SLIT3: variants seen among roughly 807,000 people sequenced by gnomAD.
SLIT3 encodes slit guidance ligand 3.
Under a neutral mutation model 184.0 loss-of-function variants are expected in SLIT3, and 68 were observed. That is an observed-to-expected ratio of 0.37 (90% CI 0.30 to 0.45). The LOEUF is 0.45. SLIT3 is among the 20% of genes least tolerant of loss of function. The pLI is 1.00. For synonymous variants in SLIT3, 831 were observed against 828.6 expected (o/e 1.00, Z -0.05); for missense variants, 1,707 against 2,026.0 (o/e 0.84, Z 3.02).
In SLIT3 at chr5:169,018,630, A is replaced by G. The variant is rs952385616; in HGVS notation, c.414-135294T>C. ...AAGAGTCCTATCGTCTACCAGAAAA[A>G]GAAATCTTTGGGTAATTTTTTTCTC... is the stretch of plus-strand genomic sequence containing the variant. On this transcript the variant is annotated intron_variant, in intron 4 of 35. Transcript: ENST00000519560. 3.3e-5 allele frequency: 5 copies of G among 152,316 alleles called. 1 individual carries two copies. Among genetic ancestry groups the G allele is most frequent in the East Asian group, 1.9e-4 (1 of 5,182 alleles). The allele number at this position is 152,316 out of a possible 1,614,324, so 9.4% of individuals were successfully genotyped here.
At chr5:168,713,148 G>A (rs570214771) in intron 23 of SLIT3, among the ~76,000 whole-genome samples, 2 of 152,308 alleles carry the variant, frequency 1.3e-5, no homozygotes, top group South Asian at 4.1e-4. Context: ...TCATTGTTAT[G>A]GAAACGGCTT....
intron 4 of SLIT3, among the ~76,000 whole-genome samples, chr5:169,032,781 A>T (rs1757080213): frequency 6.6e-6 from 1 of 152,034 alleles, no homozygotes; most frequent in Non-Finnish European, 1.5e-5. Context: ...ACAAAAGCTT[A>T]TTCTACTCAT....
chr5:168,693,018 C>T (rs1761952982), intron 28 of SLIT3, among the ~76,000 whole-genome samples: 1 of 152,140 alleles, frequency 6.6e-6, no homozygotes, highest in Non-Finnish European at 1.5e-5. Flanking sequence ...GATGCCTGGC[C>T]CTCACTTTGG....
At chr5:168,747,839 T>C (rs897351208) in intron 20 of SLIT3, among the ~76,000 whole-genome samples, 1 of 152,004 alleles carries the variant, frequency 6.6e-6, no homozygotes, top group African/African-American at 2.4e-5. Context: ...ACAGGGCTGT[T>C]TGAACGTGGA....
intron 5 of SLIT3, among the ~76,000 whole-genome samples, chr5:168,856,542 C>T (rs912994048): frequency 1.3e-5 from 2 of 152,100 alleles, no homozygotes; most frequent in Non-Finnish European, 2.9e-5. Flanking sequence ...CCCAATCACT[C>T]AAGATTCAGG....
At chr5:169,091,211 A>G (rs1561658982) in intron 4 of SLIT3, among the ~76,000 whole-genome samples, 1 of 152,094 alleles carries the variant, frequency 6.6e-6, no homozygotes, top group East Asian at 1.9e-4. Flanking sequence ...AAGTTAACAC[A>G]TTCTAATATT....
At chr5:168,902,139 C>T (rs1760893058) in intron 4 of SLIT3, among the ~76,000 whole-genome samples, 2 of 152,138 alleles carry the variant, frequency 1.3e-5, no homozygotes, top group Non-Finnish European at 1.5e-5. Context: ...ATCTGCCCGC[C>T]TTGGCCTCCC....
intron 5 of SLIT3, among the ~76,000 whole-genome samples, chr5:168,868,763 A>G (rs1581161889): frequency 9.5e-6 from 1 of 105,160 alleles, no homozygotes; most frequent in African/African-American, 5.2e-5. Context: ...AAAAAAAAAA[A>G]AAAGAAAAAG....
At chr5:168,991,199 A>T (rs1755313140) in intron 4 of SLIT3, among the ~76,000 whole-genome samples, 1 of 152,070 alleles carries the variant, frequency 6.6e-6, no homozygotes, top group Non-Finnish European at 1.5e-5. Context: ...TGTGCCAAGG[A>T]CTCTGAACTG....
At chr5:168,898,379 A>G (rs2113822611) in intron 4 of SLIT3, among the ~76,000 whole-genome samples, 1 of 138,198 alleles carries the variant, frequency 7.2e-6, no homozygotes, top group South Asian at 2.4e-4. Context: ...AATCTATAGC[A>G]TTTTTATGGA....
intron 20 of SLIT3, among the ~76,000 whole-genome samples, chr5:168,741,478 C>CAGAAAAAAAA (rs1763636802): frequency 1.2e-5 from 1 of 81,624 alleles, no homozygotes; most frequent in Non-Finnish European, 2.2e-5. Context: ...GACTCGGTCT[C>CAGAAAAAAAA]AAAAAAAAAA....
chr5:168,703,580 C>T (rs1762282902), intron 26 of SLIT3, among the ~76,000 whole-genome samples: 2 of 152,018 alleles, frequency 1.3e-5, no homozygotes, highest in African/African-American at 4.8e-5. Flanking sequence ...TGAGACCATG[C>T]CCACCACCCT....
At chr5:169,236,943 T>C (rs1765221629) in intron 3 of SLIT3, among the ~76,000 whole-genome samples, 4 of 152,200 alleles carry the variant, frequency 2.6e-5, no homozygotes, top group African/African-American at 9.7e-5. Context: ...TCTCCACTGT[T>C]TGTTTCTAAC....
intron 34 of SLIT3, among the ~76,000 whole-genome samples, chr5:168,670,477 G>GA (rs1024366858): frequency 2.0e-5 from 3 of 152,062 alleles, no homozygotes; most frequent in Admixed American, 2.0e-4. Context: ...TTCACCCATG[G>GA]AAAAAAATGA....
intron 4 of SLIT3, among the ~76,000 whole-genome samples, chr5:168,947,565 G>C (rs1246390646): frequency 6.6e-6 from 1 of 152,218 alleles, no homozygotes; most frequent in Non-Finnish European, 1.5e-5. Context: ...GCTGTGCCCA[G>C]GTCAGGGGCA....
intron 28 of SLIT3, among the ~76,000 whole-genome samples, chr5:168,693,368 A>G (rs1761962079): frequency 6.6e-6 from 1 of 152,192 alleles, no homozygotes; most frequent in African/African-American, 2.4e-5. Context: ...AAGGAATTTG[A>G]AGTTCTGGTC....
intron 5 of SLIT3, among the ~76,000 whole-genome samples, chr5:168,848,246 ACTGTGGCC>A (rs1180474189): frequency 6.6e-6 from 1 of 152,178 alleles, no homozygotes; most frequent in Non-Finnish European, 1.5e-5. Context: ...TATCGTCATG[ACTGTGGCC>A]CTGTGGCCCT....
chr5:168,975,074 C>G (rs1180936590), intron 4 of SLIT3, among the ~76,000 whole-genome samples: 1 of 152,180 alleles, frequency 6.6e-6, no homozygotes, highest in Non-Finnish European at 1.5e-5. Flanking sequence ...AAGGGGCACA[C>G]AGACCCCCCT....
chr5:169,126,670 G>T (rs1761092101), intron 4 of SLIT3, among the ~76,000 whole-genome samples: 1 of 152,216 alleles, frequency 6.6e-6, no homozygotes, highest in Non-Finnish European at 1.5e-5. Flanking sequence ...AACCAGTGGA[G>T]GCACCAGGGT....
Sources: gnomAD v4.1 joint callset for allele counts (sites outside exome capture counted in the v4.1 genomes callset) on GRCh38, gnomAD v4.1.1 for gene constraint, MANE v1.5 for transcripts, NCBI Gene and HGNC (gene_info 2026-07-23, HGNC 2026-07-21) for gene names.